Variants in CPNE4 observed in about 807,000 individuals in gnomAD.
CPNE4 encodes the protein copine 4, also known as copine-4.
A neutral mutation model predicts 67.9 loss-of-function variants in CPNE4; 25 were observed. The ratio of observed to expected loss-of-function variants is 0.37; its 90% confidence interval spans 0.27 to 0.51. CPNE4 has a LOEUF of 0.51. CPNE4 is among the 20% of genes least tolerant of loss of function. The probability of loss-of-function intolerance (pLI) is 0.93; values close to 1 mark genes in which losing one functional copy is unlikely to be tolerated. For synonymous variants in CPNE4, 242 were observed against 244.9 expected, an observed-to-expected ratio of 0.99 and a Z score of 0.11; for missense variants, 464 against 690.8, an observed-to-expected ratio of 0.67 and a Z score of 3.68.
intron 1 of CPNE4, among the ~76,000 whole-genome samples, chr3:132,001,891 C>G (rs1245605407): frequency 6.6e-6 from 1 of 152,080 alleles, no homozygotes. Context: ...TTCTGGTAAC[C>G]AATATACAAC....
chr3:131,802,282 C>A (rs925307740), intron 2 of CPNE4, among the ~76,000 whole-genome samples: 1 of 152,144 alleles, frequency 6.6e-6, no homozygotes, highest in African/African-American at 2.4e-5. Context: ...ACTAGTAGAG[C>A]ATTTCCTCAT....
At chr3:131,648,348 G>A (rs2079718649) in intron 7 of CPNE4, among the ~76,000 whole-genome samples, 1 of 152,152 alleles carries the variant, frequency 6.6e-6, no homozygotes, top group Non-Finnish European at 1.5e-5. Context: ...ACTTCAGCCT[G>A]GGCAACAGAG....
intron 2 of CPNE4, among the ~76,000 whole-genome samples, chr3:131,791,327 C>G (rs761882764): frequency 4.9e-4 from 75 of 152,026 alleles, no homozygotes; most frequent in Non-Finnish European, 9.6e-4. Context: ...ATATCAAAAC[C>G]ACAGTGATTC....
At chr3:131,857,413 C>T (rs1225851928) in intron 2 of CPNE4, among the ~76,000 whole-genome samples, 3 of 151,932 alleles carry the variant, frequency 2.0e-5, no homozygotes, top group African/African-American at 4.8e-5. Flanking sequence ...TTTTAAAGTT[C>T]CCAGAACAAG....
chr3:131,608,303 TGCTAGTG>T (rs1320172916), intron 7 of CPNE4, among the ~76,000 whole-genome samples: 2 of 152,162 alleles, frequency 1.3e-5, no homozygotes, highest in Admixed American at 1.3e-4. Flanking sequence ...ATAAGTGCTA[TGCTAGTG>T]GTGCATTTAA....
At chr3:131,965,076 T>G (rs1229504425) in intron 1 of CPNE4, among the ~76,000 whole-genome samples, 2 of 152,164 alleles carry the variant, frequency 1.3e-5, no homozygotes, top group Non-Finnish European at 2.9e-5. Context: ...TATTCAACAT[T>G]CTTAAAGAAA....
At chr3:131,973,948 T>C (rs1247754857) in intron 1 of CPNE4, among the ~76,000 whole-genome samples, 2 of 152,198 alleles carry the variant, frequency 1.3e-5, no homozygotes, top group Non-Finnish European at 2.9e-5. Flanking sequence ...CTGGGCTCCT[T>C]ACCCTATTTG....
chr3:131,549,374 A>G (rs958473995), intron 14 of CPNE4, among the ~76,000 whole-genome samples: 9 of 152,222 alleles, frequency 5.9e-5, no homozygotes, highest in African/African-American at 2.2e-4. Flanking sequence ...TGTTATTAAA[A>G]TAAATACAGA....
At chr3:131,592,178 T>A (rs534354103) in intron 7 of CPNE4, among the ~76,000 whole-genome samples, 1 of 152,306 alleles carries the variant, frequency 6.6e-6, no homozygotes, top group Admixed American at 6.5e-5. Flanking sequence ...ACACAAATTA[T>A]AATAGTTAAA....
At chr3:131,745,378 C>A (rs922741957) in intron 2 of CPNE4, among the ~76,000 whole-genome samples, 1 of 151,996 alleles carries the variant, frequency 6.6e-6, no homozygotes, top group South Asian at 2.1e-4. Flanking sequence ...TTGTCTTTTC[C>A]TCCTTGTAAA....
chr3:131,642,084 C>A (rs752443797), intron 7 of CPNE4, among the ~76,000 whole-genome samples: 1 of 152,040 alleles, frequency 6.6e-6, no homozygotes, highest in South Asian at 2.1e-4. Flanking sequence ...GTTGATGCAC[C>A]AAAATCTCAG....
chr3:131,769,759 C>T lies in CPNE4; in HGVS notation c.181-46134G>A, dbSNP rs544066903. 5.8e-4 allele frequency among the ~76,000 whole-genome samples: 88 copies of T among 152,234 alleles called. 1 individual carries two copies. In the South Asian group the frequency reaches 0.018, roughly 31 times the overall value. Reference sequence around the variant, plus strand: ...TGCAACTGTTAGTGGAAGGAAAGAGCTTCTTCCCTCCTTTATTTTGGGTTG... The same window carrying T: ...TGCAACTGTTAGTGGAAGGAAAGAGTTTCTTCCCTCCTTTATTTTGGGTTG... On this transcript the variant is annotated intron_variant, in intron 2 of 15. Transcript: ENST00000429747.
chr3:131,712,456 A>G (rs2107725065), intron 3 of CPNE4, among the ~76,000 whole-genome samples: 1 of 152,356 alleles, frequency 6.6e-6, no homozygotes, highest in Admixed American at 6.5e-5. Flanking sequence ...TTTGATATTC[A>G]GAAACATTCA....
intron 1 of CPNE4, among the ~76,000 whole-genome samples, chr3:132,001,972 G>A (rs907260628): frequency 2.0e-5 from 3 of 151,940 alleles, no homozygotes; most frequent in African/African-American, 7.2e-5. Flanking sequence ...TCCTATTTAT[G>A]ATCCTTTCCA....
rs369740961 is a variant in CPNE4 at position 131,779,127 on chromosome 3, G to A, written c.181-55502C>T. Among the ~76,000 whole-genome samples the A allele has an allele frequency of 4.3e-4, 66 of 151,998 alleles. 2 individuals are homozygous for A. In the South Asian group the frequency reaches 0.012, roughly 28 times the overall value. ...TAAAATACCTAGGAATACAGCTAAC[G>A]AGGGAGGTAAAAATCTCTACACTGA... On this transcript the variant is annotated intron_variant, in intron 2 of 15. Transcript: ENST00000429747.
chr3:131,886,889 T>C (rs1489054299), intron 2 of CPNE4, among the ~76,000 whole-genome samples: 1 of 152,236 alleles, frequency 6.6e-6, no homozygotes, highest in Admixed American at 6.5e-5. Flanking sequence ...CTTTTGATTT[T>C]ACAGGCTCAT....
chr3:131,880,114 GTA>G (rs1351183450), intron 2 of CPNE4, among the ~76,000 whole-genome samples: 1,684 of 147,228 alleles, frequency 0.011, 56 homozygotes, highest in Admixed American at 0.08. Context: ...ATGGCATATA[GTA>G]TATATATATA....
chr3:131,577,544 G>A (rs1937580517), intron 9 of CPNE4, among the ~76,000 whole-genome samples: 1 of 152,060 alleles, frequency 6.6e-6, no homozygotes, highest in Admixed American at 6.6e-5. Context: ...GTAAGTCTTT[G>A]TGTATCTAAA....
In CPNE4 at chr3:131,990,070, C is replaced by T. The variant is rs1185542541; in HGVS notation, c.-2+44497G>A. On this transcript the variant is annotated intron_variant, in intron 1 of 15. Transcript: ENST00000429747. Reference sequence around the variant, plus strand: ...CATTCTCTTCAGGTGAATTGCAATGCCCATTGTTTCACTGGTAACTTTGTA... The same window carrying T: ...CATTCTCTTCAGGTGAATTGCAATGTCCATTGTTTCACTGGTAACTTTGTA... Among the ~76,000 whole-genome samples the T allele has an allele frequency of 2.9e-5, 4 of 136,310 alleles. 1 individual carries two copies. Among genetic ancestry groups the T allele is most frequent in the African/African-American group, 7.4e-5 (3 of 40,784 alleles). The allele number at this position is 136,310 out of a possible 152,430, so 89.4% of individuals were successfully genotyped here.
Sources: allele counts gnomAD v4.1 joint callset (sites outside exome capture counted in the v4.1 genomes callset), GRCh38; gene constraint gnomAD v4.1.1; transcripts MANE v1.5; gene names NCBI Gene and HGNC (gene_info 2026-07-23, HGNC 2026-07-21).